Variants in SYCE3 observed in about 807,000 individuals in gnomAD.
SYCE3 encodes the protein synaptonemal complex central element protein 3, also known as testis highly expressed gene 2 protein.
In SYCE3, 3 loss-of-function variants were observed where a neutral mutation model predicts 8.1. The ratio of observed to expected loss-of-function variants is 0.37; its 90% confidence interval spans 0.17 to 0.96. The LOEUF (loss-of-function observed/expected upper bound fraction) is 0.96, where lower values mean the gene tolerates loss of function less well. Among genes scored for constraint, SYCE3 ranks in the 40% least tolerant of loss-of-function variants. SYCE3 has a pLI of 0.41. For synonymous variants in SYCE3, 36 were observed against 38.7 expected, an observed-to-expected ratio of 0.93 and a Z score of 0.26; for missense variants, 83 against 110.0, an observed-to-expected ratio of 0.75 and a Z score of 1.10.
intron 2 of SYCE3, among the ~76,000 whole-genome samples, chr22:50,552,418 C>G (rs1224988483): frequency 6.6e-6 from 1 of 151,620 alleles, no homozygotes; most frequent in Non-Finnish European, 1.5e-5. Flanking sequence ...TTTGGGAGGC[C>G]AAGGGGGGTA....
intron 1 of SYCE3, among the ~76,000 whole-genome samples, chr22:50,558,418 C>T (rs1426366822): frequency 1.3e-5 from 2 of 149,812 alleles, no homozygotes; most frequent in Admixed American, 1.3e-4. Context: ...GTGACAAGAG[C>T]GAAACTTCAT....
chr22:50,551,409 C>G lies in SYCE3; in HGVS notation c.110-7G>C. The G allele has an allele frequency of 6.5e-7, 1 of 1,547,844 alleles. No homozygotes were observed. On this transcript the variant is annotated splice_region_variant and splice_polypyrimidine_tract_variant and intron_variant, in intron 2 of 2. Transcript: ENST00000406915. ...GCCATCCAGGTCGCCTGCACTGCAA[C>G]AAGCAGACAGGACTGGTCAGGCCAC...
chr22:50,557,262 T>G (rs572028424), intron 1 of SYCE3, among the ~76,000 whole-genome samples: 1 of 151,972 alleles, frequency 6.6e-6, no homozygotes, highest in African/African-American at 2.4e-5. Flanking sequence ...GTTCAAGTGA[T>G]TCTCCTGCCT....
At chr22:50,554,127 A>G (rs576721159) in intron 2 of SYCE3, among the ~76,000 whole-genome samples, 12,329 of 150,636 alleles carry the variant, frequency 0.082, 1,132 homozygotes, top group African/African-American at 0.22. Context: ...CCCGGGAGGC[A>G]GAGCTTGCAG....
intron 1 of SYCE3, among the ~76,000 whole-genome samples, chr22:50,558,323 G>C (rs2069880535): frequency 6.6e-6 from 1 of 152,044 alleles, no homozygotes; most frequent in Admixed American, 6.6e-5. Flanking sequence ...TGGGATTACT[G>C]GGGAGGCTGA....
At chr22:50,554,949 C>T (rs1049119926) in intron 2 of SYCE3, among the ~76,000 whole-genome samples, 10 of 151,454 alleles carry the variant, frequency 6.6e-5, no homozygotes, top group Middle Eastern at 3.4e-3. Context: ...AGTGAAACCC[C>T]GTCTCTACTA....
rs547549419 is a variant in SYCE3, at chr22:50,551,993, C to T, written c.110-591G>A. Among the ~76,000 whole-genome samples the T allele has an allele frequency of 6.6e-5, 10 of 152,346 alleles. 1 individual carries two copies. Among genetic ancestry groups the T allele is most frequent in the African/African-American group, 2.4e-4 (10 of 41,568 alleles). On this transcript the variant is annotated intron_variant, in intron 2 of 2. Coordinates refer to ENST00000406915, the MANE Select transcript of SYCE3 (RefSeq NM_001123225.3). ...TCTTGCTCTTTCCCTCTGACAGCAA[C>T]TCGAAGGTAGCATTCCCTGGGCCTA...
At position 50,556,183 on chromosome 22, in the gene SYCE3, A is replaced by G. The variant is rs571538912; in HGVS notation, c.109+114T>C. 31 of 686,976 alleles carry G rather than the reference A, an allele frequency of 4.5e-5. No individual in the cohort carries two copies. In the African/African-American group the frequency reaches 5.4e-4, roughly 12 times the overall value. 42.6% of individuals were successfully genotyped at this position (686,976 alleles called of 1,614,324 possible). ...GCTGTACCCTGCCAACCTTGAACAT[A>G]TGTCCTGAGGACCTCCTGAGGCTGT... On this transcript the variant is annotated intron_variant, in intron 2 of 2. Transcript: ENST00000406915.
At chr22:50,561,787 A>C (rs1486653511) in intron 1 of SYCE3, among the ~76,000 whole-genome samples, 1 of 151,226 alleles carries the variant, frequency 6.6e-6, no homozygotes, top group Non-Finnish European at 1.5e-5. Context: ...CAGGAAGGGA[A>C]TGCACCTGTG....
intron 1 of SYCE3, among the ~76,000 whole-genome samples, chr22:50,562,009 G>A (rs1233877981): frequency 7.8e-6 from 1 of 127,800 alleles, no homozygotes; most frequent in African/African-American, 3.1e-5. Context: ...AGGAGTGTAT[G>A]GTGTGAGGAC....
intron 1 of SYCE3, 129 bp downstream of exon 1, chr22:50,562,729 A>C (rs2069942338): frequency 6.8e-6 from 1 of 147,494 alleles, no homozygotes; most frequent in Admixed American, 6.7e-5. Context: ...GGGTGAGTGG[A>C]GTTGGGTCGA....
rs140847747 is a variant in SYCE3 at position 50,558,474 on chromosome 22, C to T, written c.1-2069G>A. Among the ~76,000 whole-genome samples the T allele has an allele frequency of 5.3e-4, 80 of 152,060 alleles. 1 individual carries two copies. The highest frequency in any genetic ancestry group is 1.8e-3 in the African/African-American group (76 of 41,484). On this transcript the variant is annotated intron_variant, in intron 1 of 2. Transcript: ENST00000406915. ...AAAATTATTATCTTTCCCCTCTTGC[C>T]GTCCTCCCTGTTAAGGGTAGAGATT...
At chr22:50,559,927 C>CA in intron 1 of SYCE3, among the ~76,000 whole-genome samples, 1 of 151,856 alleles carries the variant, frequency 6.6e-6, no homozygotes, top group African/African-American at 2.4e-5. Flanking sequence ...CACTCTGTTC[C>CA]AAAAAAACAA....
intron 2 of SYCE3, 21 bp downstream of exon 2, chr22:50,556,275 CT>C: frequency 6.7e-7 from 1 of 1,502,664 alleles, no homozygotes. Flanking sequence ...GTCTCAGATA[CT>C]TTTGGGTTCA....
chr22:50,551,862 T>G (rs1327721750), intron 2 of SYCE3, among the ~76,000 whole-genome samples: 2 of 152,176 alleles, frequency 1.3e-5, no homozygotes, highest in East Asian at 3.9e-4. Context: ...CTGGGATGCC[T>G]GCCCACCTCC....
chr22:50,551,119 A>C lies in SYCE3; in HGVS notation c.*126T>G, dbSNP rs753030965. On this transcript the variant is annotated 3_prime_UTR_variant, in exon 3 of 3. Coordinates refer to ENST00000406915, the MANE Select transcript of SYCE3 (RefSeq NM_001123225.3). ...GAGAAGAGGTCCTCGGGCTGTGCTTAAAAATAAGTTTATTAAGAAACAAGT... is the reference window on the plus strand; with the variant it reads ...GAGAAGAGGTCCTCGGGCTGTGCTTCAAAATAAGTTTATTAAGAAACAAGT... The C allele has an allele frequency of 3.1e-6, 4 of 1,273,316 alleles. No homozygotes were observed. Among genetic ancestry groups the C allele is most frequent in the Non-Finnish European group, 3.2e-6 (3 of 931,582 alleles). 78.9% of individuals were successfully genotyped at this position (1,273,316 alleles called of 1,614,324 possible). A position where few individuals can be genotyped will look rare whatever the true frequency, so the allele number is the denominator to read the frequency against.
In SYCE3 at chr22:50,551,418, A is replaced by G; in HGVS notation, c.110-16T>C. The G allele has an allele frequency of 6.5e-7, 1 of 1,543,984 alleles. No homozygotes were observed. The highest frequency in any genetic ancestry group is 1.4e-5 in the African/African-American group (1 of 73,126). On this transcript the variant is annotated splice_polypyrimidine_tract_variant and intron_variant, in intron 2 of 2. Transcript: ENST00000406915. ...GTCGCCTGCACTGCAACAAGCAGACAGGACTGGTCAGGCCACAGGGAGGGG... is the reference window on the plus strand; with the variant it reads ...GTCGCCTGCACTGCAACAAGCAGACGGGACTGGTCAGGCCACAGGGAGGGG...
intron 2 of SYCE3, among the ~76,000 whole-genome samples, chr22:50,555,096 TG>T: frequency 6.8e-6 from 1 of 148,114 alleles, no homozygotes; most frequent in South Asian, 2.1e-4. Flanking sequence ...TACTCCAGCC[TG>T]GGCGACAGAG....
At chr22:50,553,538 T>C (rs1263641580) in intron 2 of SYCE3, among the ~76,000 whole-genome samples, 1 of 152,148 alleles carries the variant, frequency 6.6e-6, no homozygotes, top group Non-Finnish European at 1.5e-5. Flanking sequence ...TCTGTTACAC[T>C]GCAAATGCCC....
Sources: gnomAD v4.1 joint callset for allele counts (sites outside exome capture counted in the v4.1 genomes callset) on GRCh38, gnomAD v4.1.1 for gene constraint, MANE v1.5 for transcripts, NCBI Gene and HGNC (gene_info 2026-07-23, HGNC 2026-07-21) for gene names.